Variants in BEND6 observed in about 807,000 individuals in gnomAD.
BEND6 encodes BEN domain containing 6, also known as BEN domain-containing protein 6.
BEND6 carries 24 observed loss-of-function variants against 31.8 expected under a neutral mutation model. The observed-to-expected ratio is 0.75, with a 90% CI of 0.55 to 1.06. The LOEUF is 1.06. BEND6 is among the 50% of genes least tolerant of loss of function. The pLI is 0.00. For synonymous variants in BEND6, 109 were observed against 114.6 expected, an observed-to-expected ratio of 0.95 and a Z score of 0.31; for missense variants, 294 against 327.4, an observed-to-expected ratio of 0.90 and a Z score of 0.79.
At chr6:56,958,678 T>C (rs1825180803) in intron 1 of BEND6, among the ~76,000 whole-genome samples, 1 of 152,164 alleles carries the variant, frequency 6.6e-6, no homozygotes, top group East Asian at 1.9e-4. Context: ...CTAAAGAGCA[T>C]CCCAGAATCA....
intron 3 of BEND6, among the ~76,000 whole-genome samples, chr6:57,002,456 T>G (rs902644026): frequency 3.9e-5 from 6 of 152,192 alleles, no homozygotes; most frequent in Non-Finnish European, 8.8e-5. Flanking sequence ...ATTGAACACA[T>G]GCCTGGCCAC....
At chr6:56,971,856 A>G (rs999795386) in intron 1 of BEND6, among the ~76,000 whole-genome samples, 2 of 152,122 alleles carry the variant, frequency 1.3e-5, no homozygotes, top group African/African-American at 4.8e-5. Context: ...TCTGGATATT[A>G]ATCTCATTAA....
At chr6:56,958,559 T>C (rs1289072772) in intron 1 of BEND6, among the ~76,000 whole-genome samples, 1 of 152,100 alleles carries the variant, frequency 6.6e-6, no homozygotes, top group Non-Finnish European at 1.5e-5. Flanking sequence ...TGTGAAAATA[T>C]CCAGCAAGCC....
At chr6:56,981,314 C>T (rs989911521) in intron 1 of BEND6, among the ~76,000 whole-genome samples, 1 of 152,044 alleles carries the variant, frequency 6.6e-6, no homozygotes, top group Admixed American at 6.6e-5. Flanking sequence ...ATATTTTAGT[C>T]TTCGGTTCTT....
chr6:56,966,860 A>G (rs1825498795), intron 1 of BEND6, among the ~76,000 whole-genome samples: 1 of 152,208 alleles, frequency 6.6e-6, no homozygotes, highest in Non-Finnish European at 1.5e-5. Flanking sequence ...CAGCAATACT[A>G]GGGGTATTGA....
intron 1 of BEND6, among the ~76,000 whole-genome samples, chr6:56,961,914 C>T (rs922548917): frequency 8.5e-5 from 13 of 152,192 alleles, no homozygotes; most frequent in Non-Finnish European, 1.6e-4. Flanking sequence ...TTGTTTCTAG[C>T]GTCCCACCAG....
Position 56,955,458 on chromosome 6 carries a change from CG to C in BEND6, c.-101+1del, listed in dbSNP as rs1487467233. The C allele has an allele frequency of 6.6e-6, 1 of 152,268 alleles. No individual in the cohort carries two copies. Among genetic ancestry groups the C allele is most frequent in the Non-Finnish European group, 1.5e-5 (1 of 68,118 alleles). The allele number at this position is 152,268 out of a possible 1,614,324, so 9.4% of individuals were successfully genotyped here. A position where few individuals can be genotyped will look rare whatever the true frequency, so the allele number is the denominator to read the frequency against. The stretch of plus-strand genomic sequence containing the variant: ...AGGTTGGGGCTTTGAAGAATGCAGC[CG>C]GGTGAGCTATTGCTTGTGGGGGTTT... On this transcript the variant is annotated splice_region_variant and 5_prime_UTR_variant, in exon 1 of 7. An upstream open reading frame in the 5' UTR gains an earlier in-frame stop. Transcript: ENST00000370746.
chr6:56,984,370 G>T (rs1250189971), intron 2 of BEND6, among the ~76,000 whole-genome samples: 1 of 152,186 alleles, frequency 6.6e-6, no homozygotes, highest in Non-Finnish European at 1.5e-5. Flanking sequence ...CTTTTCGAGA[G>T]TGTTCACATC....
chr6:56,999,694 C>T (rs1449062415), intron 3 of BEND6, among the ~76,000 whole-genome samples: 1 of 152,230 alleles, frequency 6.6e-6, no homozygotes, highest in Non-Finnish European at 1.5e-5. Context: ...GTGTACTCCA[C>T]CAATCAGCCC....
chr6:56,995,943 A>G (rs531652752), intron 3 of BEND6, among the ~76,000 whole-genome samples: 4 of 152,164 alleles, frequency 2.6e-5, no homozygotes, highest in Admixed American at 6.5e-5. Context: ...ACAACTCTCC[A>G]TCCTTGAAAA....
intron 1 of BEND6, among the ~76,000 whole-genome samples, chr6:56,972,558 TAC>T (rs1350564521): frequency 6.6e-6 from 1 of 152,266 alleles, no homozygotes; most frequent in Non-Finnish European, 1.5e-5. Context: ...GGAAGACTTT[TAC>T]AGTTTTATTT....
chr6:56,958,753 A>G (rs1825183877), intron 1 of BEND6, among the ~76,000 whole-genome samples: 2 of 152,260 alleles, frequency 1.3e-5, no homozygotes, highest in East Asian at 3.9e-4. Context: ...CCAAGTAGGG[A>G]GTGTTCCAAT....
At chr6:57,022,164 C>CTTTT (rs57185788) in intron 6 of BEND6, among the ~76,000 whole-genome samples, 2 of 111,160 alleles carry the variant, frequency 1.8e-5, no homozygotes, top group African/African-American at 3.2e-5. Flanking sequence ...TTTTCTTTTT[C>CTTTT]TTTTTTTTTT....
intron 3 of BEND6, chr6:57,008,471 G>C (rs1827238139): frequency 2.2e-6 from 1 of 464,184 alleles, no homozygotes; most frequent in Admixed American, 3.8e-5. Flanking sequence ...AGACCTGTCT[G>C]TGTGACTGTC....
At position 56,981,760 on chromosome 6, in the gene BEND6, G is replaced by A. The variant is rs747705761; in HGVS notation, c.-51G>A. 6.3e-7 allele frequency: 1 copy of A among 1,597,016 alleles called. No homozygotes were observed. The highest frequency in any genetic ancestry group is 2.3e-5 in the East Asian group (1 of 44,422). The stretch of plus-strand genomic sequence containing the variant: ...GTCCAGAATAGCATCATCTTCATGG[G>A]TATTCCCTACTCCTAGGATTTCAGA... On this transcript the variant is annotated 5_prime_UTR_variant, in exon 2 of 7. Transcript: ENST00000370746.
chr6:57,007,688 G>A (rs562078559), intron 3 of BEND6, among the ~76,000 whole-genome samples: 10 of 152,008 alleles, frequency 6.6e-5, no homozygotes, highest in Middle Eastern at 3.4e-3. Context: ...CCAGCTACTC[G>A]GGAGGCTGAG....
intron 3 of BEND6, among the ~76,000 whole-genome samples, chr6:57,003,086 T>C (rs912696886): frequency 1.3e-5 from 2 of 152,082 alleles, no homozygotes; most frequent in Admixed American, 6.6e-5. Context: ...CCTCTACACA[T>C]ACAAACTAGA....
chr6:56,970,720 G>C (rs1562537095), intron 1 of BEND6, among the ~76,000 whole-genome samples: 2 of 152,100 alleles, frequency 1.3e-5, no homozygotes. Context: ...TGAATCACCT[G>C]TTTATGGAAT....
chr6:56,990,717 T>C (rs1000746635), intron 2 of BEND6, among the ~76,000 whole-genome samples: 1 of 152,230 alleles, frequency 6.6e-6, no homozygotes, highest in Non-Finnish European at 1.5e-5. Context: ...ATATAAATTT[T>C]AAAACCAATT....
Sources: gnomAD v4.1 joint callset for allele counts (sites outside exome capture counted in the v4.1 genomes callset) on GRCh38, gnomAD v4.1.1 for gene constraint, MANE v1.5 for transcripts, NCBI Gene and HGNC (gene_info 2026-07-23, HGNC 2026-07-21) for gene names.